Variants in PHYKPL observed in about 807,000 individuals in gnomAD.
PHYKPL encodes 5-phosphohydroxy-L-lysine phospho-lyase, also known as 5-phosphonooxy-L-lysine phospho-lyase.
PHYKPL carries 42 observed loss-of-function variants against 51.3 expected under a neutral mutation model. That is an observed-to-expected ratio of 0.82 (90% confidence interval 0.64 to 1.06). The LOEUF is 1.06. Among genes scored for constraint, PHYKPL ranks in the 50% least tolerant of loss-of-function variants. PHYKPL has a pLI of 0.00. For missense variants in PHYKPL, 655 were observed against 586.6 expected, an observed-to-expected ratio of 1.12 and a Z score of -1.20; for synonymous variants, 264 against 236.0, an observed-to-expected ratio of 1.12 and a Z score of -1.09.
At chr5:178,215,604 C>T (rs1759614815) in intron 8 of PHYKPL, 174 bp from the exon 9 acceptor site, 1 of 699,952 alleles carries the variant, frequency 1.4e-6, no homozygotes, top group Non-Finnish European at 2.3e-6. Flanking sequence ...TCAACATGGG[C>T]TGTCCTGGCT....
intron 1 of PHYKPL, 99 bp downstream of exon 1, chr5:178,232,392 GC>G: frequency 7.5e-7 from 1 of 1,324,902 alleles, no homozygotes; most frequent in South Asian, 2.0e-5. Context: ...CGGCTTCCTA[GC>G]CGGAGGCGCG....
At chr5:178,230,668 T>TG (rs1421480708) in intron 2 of PHYKPL, 2 of 154,796 alleles carry the variant, frequency 1.3e-5, no homozygotes, top group Non-Finnish European at 1.4e-5. Context: ...GTGGTAATCT[T>TG]GATTGTCAAA....
At chr5:178,213,591 G>C (rs75586705) in intron 10 of PHYKPL, among the ~76,000 whole-genome samples, 291 of 152,330 alleles carry the variant, frequency 1.9e-3, no homozygotes, top group African/African-American at 6.8e-3. Flanking sequence ...ATTATTCTTA[G>C]GAAGATGGCT....
chr5:178,218,087 G>C (rs6877734), intron 8 of PHYKPL, among the ~76,000 whole-genome samples: 30,911 of 76,724 alleles, frequency 0.4, 6,899 homozygotes, highest in African/African-American at 0.53. Context: ...CGTGGTAGCG[G>C]GCGCCTGTAG....
chr5:178,209,446 A>G, intron 12 of PHYKPL: 1 of 1,613,080 alleles, frequency 6.2e-7, no homozygotes, highest in East Asian at 2.2e-5. Flanking sequence ...GTGGAGGTGG[A>G]GGTGAGTGGA....
intron 1 of PHYKPL, 138 bp downstream of exon 1, chr5:178,232,354 G>GGCAGCGGCCGGACGGGATGGGTA: frequency 7.8e-7 from 1 of 1,286,184 alleles, no homozygotes; most frequent in Non-Finnish European, 9.8e-7. Context: ...GCGGGGCCGG[G>GGCAGCGGCCGGACGGGATGGGTA]GCAGCGGCCG....
At chr5:178,212,036 TC>T in intron 11 of PHYKPL, 66 bp from the exon 12 acceptor site, 1 of 1,563,062 alleles carries the variant, frequency 6.4e-7, no homozygotes, top group Non-Finnish European at 8.8e-7. Context: ...CCTGTTGACT[TC>T]AGTGTCCAAA....
At chr5:178,210,572 C>T (rs745868212) in intron 12 of PHYKPL, 19 of 1,614,078 alleles carry the variant, frequency 1.2e-5, no homozygotes, top group East Asian at 6.7e-5. Context: ...GTACAAACTA[C>T]GGCAAGAGCC....
Position 178,232,428 on chromosome 5 carries a change from C to CGTA in PHYKPL, c.59+63_59+64insTAC, listed in dbSNP as rs1561760548. On this transcript the variant is annotated intron_variant, in intron 1 of 12. Coordinates refer to ENST00000308158, the MANE Select transcript of PHYKPL (RefSeq NM_153373.4). Reference sequence around the variant, plus strand: ...GTGCGTAGTGCGTGCGTGCGTGCGTCGTGCGTGCGCGTGCCTCTCCGCGCA... The same window carrying CGTA: ...GTGCGTAGTGCGTGCGTGCGTGCGTCGTAGTGCGTGCGCGTGCCTCTCCGCGCA... The CGTA allele has an allele frequency of 2.8e-5, 38 of 1,367,660 alleles. 1 individual carries two copies. The East Asian group carries it at 3.2e-4, about 11-fold the overall frequency. 84.7% of individuals were successfully genotyped at this position (1,367,660 alleles called of 1,614,324 possible).
Position 178,224,550 on chromosome 5 carries a change from G to A in PHYKPL, c.516C>T (p.Asp172=), listed in dbSNP as rs148397878. 30 of 1,614,132 alleles carry A rather than the reference G, an allele frequency of 1.9e-5. No individual in the cohort carries two copies. The African/African-American group carries it at 3.5e-4, about 19-fold the overall frequency. The change falls in exon 6 of 13, where the codon GAC becomes GAT. Residue 172 remains aspartate, a synonymous_variant. Coordinates refer to ENST00000308158, the MANE Select transcript of PHYKPL (RefSeq NM_153373.4). The part of the protein sequence containing the change: ...KEWVHVAPLP[D]TYRGPYREDH... Reference sequence around the variant, plus strand: ...CCTCCCGGTAGGGGCCCCGGTAGGTGTCTGGGAGAGGTGCCTGTGGGGAGT... The same window carrying A: ...CCTCCCGGTAGGGGCCCCGGTAGGTATCTGGGAGAGGTGCCTGTGGGGAGT...
At chr5:178,227,259 CAG>C (rs1762489582) in intron 3 of PHYKPL, among the ~76,000 whole-genome samples, 1 of 152,210 alleles carries the variant, frequency 6.6e-6, no homozygotes, top group Non-Finnish European at 1.5e-5. Flanking sequence ...CACCTGCACT[CAG>C]AAGACCAACC....
At chr5:178,211,735 G>T (rs755727273) in intron 12 of PHYKPL, 155 bp downstream of exon 12, 1 of 608,208 alleles carries the variant, frequency 1.6e-6, no homozygotes, top group East Asian at 2.8e-5. Context: ...AAGCATTGGA[G>T]AATTTCCAGT....
Position 178,208,569 on chromosome 5 carries a change from A to G in PHYKPL, c.*378T>C, listed in dbSNP as rs899904179. On this transcript the variant is annotated 3_prime_UTR_variant, in exon 13 of 13. Transcript: ENST00000308158. ...TTGCATTATTTTAATTTGCCAATTAAAAGTATGACTGGGACACTGTAAAAT... is the reference window on the plus strand; with the variant it reads ...TTGCATTATTTTAATTTGCCAATTAGAAGTATGACTGGGACACTGTAAAAT... 5 of 152,238 alleles carry G rather than the reference A, an allele frequency of 3.3e-5. No individual in the cohort carries two copies. The highest frequency in any genetic ancestry group is 1.2e-4 in the African/African-American group (5 of 41,454). 9.4% of individuals were successfully genotyped at this position (152,238 alleles called of 1,614,324 possible).
intron 12 of PHYKPL, chr5:178,211,680 G>A (rs889560123): frequency 3.6e-6 from 2 of 556,900 alleles, no homozygotes; most frequent in South Asian, 4.4e-5. Flanking sequence ...CAGCCCCATA[G>A]GTTTCAAGGG....
rs368316133 is a variant in PHYKPL at position 178,229,964 on chromosome 5, C to T, written c.314G>A (p.Cys105Tyr). The change falls in exon 3 of 13, where the codon TGT becomes TAT. Residue 105 changes from cysteine to tyrosine, a missense_variant. Transcript: ENST00000308158. ...CCCAGAATTCAGGAAATAGAACACA[C>T]AGAGCTGCTCCGGCAGGGTCTCTGA... ...RLSETLPEQLCVFYFLNSGSE... is the reference protein window; with the variant it reads ...RLSETLPEQLYVFYFLNSGSE... 6.2e-7 allele frequency: 1 copy of T among 1,614,126 alleles called. No homozygotes were observed. The highest frequency in any genetic ancestry group is 8.5e-7 in the Non-Finnish European group (1 of 1,179,956).
Position 178,213,031 on chromosome 5 carries a change from C to T in PHYKPL, c.1245G>A (p.Met415Ile). ...GRNILKFKPPMCFSLDNARQV... is the reference protein window; with the variant it reads ...GRNILKFKPPICFSLDNARQV... Reference sequence around the variant, plus strand: ...GCCGTGCATTGTCCAGGCTGAAGCACATTGGGGGCTTAAACTTCAGGATGT... The same window carrying T: ...GCCGTGCATTGTCCAGGCTGAAGCATATTGGGGGCTTAAACTTCAGGATGT... Residue 415 changes from methionine (M) to isoleucine (I), a missense_variant, in exon 11 of 13, where the codon ATG becomes ATA. Coordinates refer to ENST00000308158, the MANE Select transcript of PHYKPL (RefSeq NM_153373.4). 1 of 1,614,236 alleles carries T rather than the reference C, an allele frequency of 6.2e-7. No homozygotes were observed. The highest frequency in any genetic ancestry group is 8.5e-7 in the Non-Finnish European group (1 of 1,180,036).
chr5:178,209,206 C>G, intron 12 of PHYKPL: 1 of 804,122 alleles, frequency 1.2e-6, no homozygotes, highest in Non-Finnish European at 2.1e-6. Flanking sequence ...CCCATACTAG[C>G]ATATTTTGTT....
intron 8 of PHYKPL, among the ~76,000 whole-genome samples, chr5:178,219,685 C>G (rs566588721): frequency 6.6e-6 from 1 of 151,862 alleles, no homozygotes; most frequent in Non-Finnish European, 1.5e-5. Flanking sequence ...CTCCTGACCT[C>G]GTGATCTGCC....
rs565762103 is a variant in PHYKPL, at chr5:178,222,956, G to A, written c.619-22C>T. On this transcript the variant is annotated intron_variant, in intron 6 of 12. Transcript: ENST00000308158. Reference sequence around the variant, plus strand: ...CAATCTGTGAAGAGATGGACATTGGGAACACGACCATGGGGTTGTGCAGTG... The same window carrying A: ...CAATCTGTGAAGAGATGGACATTGGAAACACGACCATGGGGTTGTGCAGTG... 1.2e-5 allele frequency: 20 copies of A among 1,612,586 alleles called. No individual in the cohort carries two copies. In the South Asian group the frequency reaches 1.3e-4, roughly 11 times the overall value.
Sources: gnomAD v4.1 joint callset for allele counts (sites outside exome capture counted in the v4.1 genomes callset) on GRCh38, gnomAD v4.1.1 for gene constraint, MANE v1.5 for transcripts, NCBI Gene and HGNC (gene_info 2026-07-23, HGNC 2026-07-21) for gene names.